The following MYBL1 variants were observed in gnomAD, a reference collection of about 807,000 sequenced individuals.
The protein encoded by MYBL1 is MYB proto-oncogene like 1.
MYBL1 carries 17 observed loss-of-function variants against 96.3 expected under a neutral mutation model. The ratio of observed to expected loss-of-function variants is 0.18; its 90% CI spans 0.12 to 0.26. MYBL1 has a LOEUF of 0.26. Among genes scored for constraint, MYBL1 ranks in the 10% least tolerant of loss-of-function variants. MYBL1 has a pLI of 1.00. For synonymous variants in MYBL1, 282 were observed against 292.7 expected, an observed-to-expected ratio of 0.96 and a Z score of 0.37; for missense variants, 701 against 882.9, an observed-to-expected ratio of 0.79 and a Z score of 2.61.
At chr8:66,571,876 C>CAAAAAAAAAAAAAA (rs113777940) in intron 12 of MYBL1, among the ~76,000 whole-genome samples, 1 of 104,196 alleles carries the variant, frequency 9.6e-6, no homozygotes. Context: ...GACTGCGTCT[C>CAAAAAAAAAAAAAA]AAAAAAAAAA....
chr8:66,577,878 G>A (rs1447614696), intron 9 of MYBL1, among the ~76,000 whole-genome samples: 1 of 152,124 alleles, frequency 6.6e-6, no homozygotes, highest in African/African-American at 2.4e-5. Context: ...TACCAAAACA[G>A]AGATATAGAT....
Position 66,599,120 on chromosome 8 carries a change from T to C in MYBL1, c.221A>G (p.Gln74Arg). 1 of 1,594,710 alleles carries C rather than the reference T, an allele frequency of 6.3e-7. No individual in the cohort carries two copies. Among genetic ancestry groups the C allele is most frequent in the Non-Finnish European group, 8.5e-7 (1 of 1,172,108 alleles). Residue 74 changes from glutamine (Q) to arginine (R), a missense_variant, in exon 4 of 16, where the codon CAG (glutamine) becomes CGG (arginine). By Grantham distance (43) the Gln-to-Arg change is conservative. Around this residue, in one of 5 missense-constraint regions of MYBL1, gnomAD observed 68 missense variants for 93.8 expected, o/e 0.72. Transcript: ENST00000522677. ...ATTTAAAACTTTCTGCCATCGATGCTGGCACTGAAAATCAGAGCGATTCTG... is the reference window on the plus strand; with the variant it reads ...ATTTAAAACTTTCTGCCATCGATGCCGGCACTGAAAATCAGAGCGATTCTG... ...HLQNRSDFQC[Q>R]HRWQKVLNPE... is the part of the protein sequence containing the mutation.
intron 8 of MYBL1, among the ~76,000 whole-genome samples, chr8:66,588,707 T>C (rs779703929): frequency 7.9e-5 from 12 of 152,228 alleles, no homozygotes; most frequent in Non-Finnish European, 1.6e-4. Context: ...GCAGTCAATA[T>C]TGTCACATAA....
chr8:66,576,017 G>C lies in MYBL1; in HGVS notation c.1460C>G (p.Ser487Cys). 6.2e-7 allele frequency: 1 copy of C among 1,611,454 alleles called. No homozygotes were observed. Among genetic ancestry groups the C allele is most frequent in the Non-Finnish European group, 8.5e-7 (1 of 1,178,008 alleles). Residue 487 changes from serine to cysteine, a missense_variant, in exon 10 of 16, where the codon TCT (serine) becomes TGT (cysteine). This residue lies in a region of MYBL1 where 396 missense variants were observed against 407.4 expected (regional missense o/e 0.97). Coordinates refer to ENST00000522677, the MANE Select transcript of MYBL1 (RefSeq NM_001080416.4). ...AATGAACACCACTACCTGTGAAGGA[G>C]AAAATGGTAGTGTTTTCAGTGGTGT... ...KHTPLKTLPF[S>C]PSQFFNTCPG...
At chr8:66,565,923 A>G in intron 15 of MYBL1, 141 bp downstream of exon 15, 1 of 628,316 alleles carries the variant, frequency 1.6e-6, no homozygotes, top group Non-Finnish European at 2.6e-6. Context: ...AATGTGAGTG[A>G]TAAAATAATG....
At chr8:66,584,486 A>G (rs1809335787) in intron 8 of MYBL1, among the ~76,000 whole-genome samples, 1 of 152,194 alleles carries the variant, frequency 6.6e-6, no homozygotes. Flanking sequence ...ACCCTATATA[A>G]AGCTCCTCTA....
intron 12 of MYBL1, 120 bp downstream of exon 12, chr8:66,572,362 G>C (rs1808770068): frequency 3.8e-6 from 2 of 521,436 alleles, no homozygotes; most frequent in South Asian, 7.2e-5. Flanking sequence ...AAAAGATAAA[G>C]CTTTGTATCT....
At chr8:66,611,969 T>C (rs1413901922) in intron 1 of MYBL1, among the ~76,000 whole-genome samples, 1 of 152,156 alleles carries the variant, frequency 6.6e-6, no homozygotes, top group Non-Finnish European at 1.5e-5. Flanking sequence ...TCCTATATTT[T>C]TGTTATCTAA....
At chr8:66,577,800 G>A (rs957332819) in intron 9 of MYBL1, among the ~76,000 whole-genome samples, 1 of 152,106 alleles carries the variant, frequency 6.6e-6, no homozygotes, top group African/African-American at 2.4e-5. Flanking sequence ...AACAAAGCTG[G>A]AGGCATCATG....
chr8:66,606,774 C>T (rs138997238), intron 1 of MYBL1, among the ~76,000 whole-genome samples: 2 of 151,972 alleles, frequency 1.3e-5, no homozygotes, highest in East Asian at 1.9e-4. Context: ...ACCAGTTCTC[C>T]TTCCATACAT....
chr8:66,590,857 T>C (rs1488146465), intron 8 of MYBL1, among the ~76,000 whole-genome samples: 1 of 152,176 alleles, frequency 6.6e-6, no homozygotes, highest in Non-Finnish European at 1.5e-5. Context: ...TCTATATCAC[T>C]GTAGGATGAC....
At chr8:66,612,642 T>C in intron 1 of MYBL1, 177 bp downstream of exon 1, 2 of 654,680 alleles carry the variant, frequency 3.1e-6, no homozygotes, top group Non-Finnish European at 4.5e-6. Context: ...GGTCCCCAAC[T>C]CTCCACACGT....
chr8:66,570,044 TGGA>T (rs1033739831), intron 12 of MYBL1, among the ~76,000 whole-genome samples: 12 of 152,166 alleles, frequency 7.9e-5, no homozygotes, highest in African/African-American at 2.9e-4. Flanking sequence ...AGTAAATAAC[TGGA>T]GGAGGAGCAG....
rs375579668 is a variant in MYBL1, at chr8:66,566,131, T to C, written c.2063A>G (p.Tyr688Cys). The change falls in exon 15 of 16, where the codon TAT becomes TGT. Residue 688 changes from tyrosine (Y) to cysteine (C), a missense_variant. Transcript: ENST00000522677. Reference sequence around the variant, plus strand: ...GTTTGGTTTCTTTTTAGTAAGTGTATATGTTTTGTTGGTTGAATTTATATC... The same window carrying C: ...GTTTGGTTTCTTTTTAGTAAGTGTACATGTTTTGTTGGTTGAATTTATATC... ...KQDINSTNKT[Y>C]TLTKKKPNPN... 6 of 1,545,470 alleles carry C rather than the reference T, an allele frequency of 3.9e-6. No homozygotes were observed. The highest frequency in any genetic ancestry group is 1.4e-5 in the African/African-American group (1 of 73,184).
intron 1 of MYBL1, among the ~76,000 whole-genome samples, chr8:66,602,776 C>T (rs1377057582): frequency 2.6e-5 from 3 of 116,056 alleles, no homozygotes; most frequent in Admixed American, 2.3e-4. Context: ...GACGGAGTCT[C>T]GCTCTGTCGC....
chr8:66,588,719 T>C, intron 8 of MYBL1, among the ~76,000 whole-genome samples: 1 of 152,090 alleles, frequency 6.6e-6, no homozygotes, highest in South Asian at 2.1e-4. Flanking sequence ...GTCACATAAC[T>C]GTTTAGGAAA....
intron 8 of MYBL1, among the ~76,000 whole-genome samples, chr8:66,586,622 C>T (rs1013493511): frequency 6.6e-5 from 10 of 152,132 alleles, no homozygotes; most frequent in African/African-American, 2.4e-4. Flanking sequence ...ACTATGGAGG[C>T]TCTTCAAAAA....
chr8:66,564,817 A>C lies in MYBL1; in HGVS notation c.2139T>G (p.Cys713Trp). ...TCCCATAAACCACTGTTTCCCATTC[A>C]CAATTTGACTAGAAAGGAAATATTA... ...VKLEKNLQSN[C>W]EWETVVYGKT... Residue 713 changes from cysteine (C) to tryptophan (W), a missense_variant, in exon 16 of 16, where the codon TGT (cysteine) becomes TGG (tryptophan). Transcript: ENST00000522677. The C allele has an allele frequency of 6.4e-7, 1 of 1,562,824 alleles. No individual in the cohort carries two copies.
chr8:66,611,026 T>G (rs778453854), intron 1 of MYBL1, among the ~76,000 whole-genome samples: 3 of 152,218 alleles, frequency 2.0e-5, no homozygotes, highest in African/African-American at 4.8e-5. Context: ...AAACAACTTA[T>G]ATATGCAAAC....
Sources: gnomAD v4.1 joint callset for allele counts (sites outside exome capture counted in the v4.1 genomes callset) on GRCh38, gnomAD v4.1.1 for gene constraint, gnomAD v4.1.1 regional missense constraint, MANE v1.5 for transcripts, NCBI Gene and HGNC (gene_info 2026-07-23, HGNC 2026-07-21) for gene names.